Variants in CNTN1 observed in about 807,000 individuals in gnomAD.
CNTN1 encodes contactin-1.
A neutral mutation model predicts 126.4 loss-of-function variants in CNTN1; 38 were observed. That is an observed-to-expected ratio of 0.30 (90% confidence interval 0.23 to 0.39). The LOEUF (loss-of-function observed/expected upper bound fraction) is 0.39, where lower values mean the gene tolerates loss of function less well. Among genes scored for constraint, CNTN1 ranks in the 10% least tolerant of loss-of-function variants. The probability of loss-of-function intolerance (pLI) is 1.00; values close to 1 mark genes in which losing one functional copy is unlikely to be tolerated. For synonymous variants in CNTN1, 413 were observed against 422.6 expected (o/e 0.98, Z 0.28); for missense variants, 1,009 against 1,248.4 (o/e 0.81, Z 2.89).
At chr12:40,868,185 TCTTCACC>T in intron 1 of CNTN1, among the ~76,000 whole-genome samples, 1 of 152,278 alleles carries the variant, frequency 6.6e-6, no homozygotes, top group South Asian at 2.1e-4. Flanking sequence ...GGGCATAAGA[TCTTCACC>T]ACCATAAATA....
Position 40,769,427 on chromosome 12 carries a change from G to T in CNTN1, c.-77+76835G>T, listed in dbSNP as rs560217042. Reference sequence around the variant, plus strand: ...AAGAGCAGACTATGAAGTGCATCTTGTGTTTGCCCATGGCCAACAATTAAA... The same window carrying T: ...AAGAGCAGACTATGAAGTGCATCTTTTGTTTGCCCATGGCCAACAATTAAA... On this transcript the variant is annotated intron_variant, in intron 1 of 23. Transcript: ENST00000551295. Among the ~76,000 whole-genome samples the T allele has an allele frequency of 9.2e-5, 14 of 152,218 alleles. 1 individual carries two copies. Among genetic ancestry groups the T allele is most frequent in the African/African-American group, 3.4e-4 (14 of 41,548 alleles).
At chr12:40,718,534 G>T (rs946469551) in intron 1 of CNTN1, among the ~76,000 whole-genome samples, 1 of 152,098 alleles carries the variant, frequency 6.6e-6, no homozygotes, top group Non-Finnish European at 1.5e-5. Context: ...AACACTGGGG[G>T]CTGGGTTCAG....
intron 23 of CNTN1, among the ~76,000 whole-genome samples, chr12:41,041,459 T>C (rs1211468344): frequency 1.3e-5 from 2 of 152,184 alleles, no homozygotes; most frequent in African/African-American, 4.8e-5. Flanking sequence ...TCCCTCTTTT[T>C]CTATTGATTG....
At chr12:40,777,539 A>C (rs569525057) in intron 1 of CNTN1, among the ~76,000 whole-genome samples, 24 of 151,898 alleles carry the variant, frequency 1.6e-4, no homozygotes, top group Admixed American at 1.5e-3. Context: ...ATTGCAGTGA[A>C]TTAGAAAAAG....
intron 17 of CNTN1, among the ~76,000 whole-genome samples, chr12:40,999,697 C>CT (rs398019220): frequency 0.021 from 1,822 of 86,562 alleles, 59 homozygotes; most frequent in African/African-American, 0.048. Context: ...TTCTTCTGTG[C>CT]TTTTTTTTTT....
intron 1 of CNTN1, among the ~76,000 whole-genome samples, chr12:40,886,283 C>T (rs78356381): frequency 0.098 from 14,928 of 152,002 alleles, 865 homozygotes; most frequent in Non-Finnish European, 0.13. Context: ...GACCAGACAG[C>T]GATGGGCCCT....
chr12:41,019,402 G>A (rs1053876907), intron 19 of CNTN1, among the ~76,000 whole-genome samples: 9 of 151,874 alleles, frequency 5.9e-5, no homozygotes, highest in African/African-American at 2.2e-4. Context: ...CATAAAACTT[G>A]CATGTGTTGA....
intron 1 of CNTN1, among the ~76,000 whole-genome samples, chr12:40,841,811 G>T (rs1942295771): frequency 6.6e-6 from 1 of 151,976 alleles, no homozygotes; most frequent in South Asian, 2.1e-4. Context: ...CAAACGCATA[G>T]CTAACCTCAT....
At chr12:40,824,660 G>A (rs1941550675) in intron 1 of CNTN1, among the ~76,000 whole-genome samples, 1 of 152,122 alleles carries the variant, frequency 6.6e-6, no homozygotes, top group Non-Finnish European at 1.5e-5. Context: ...TGATGCTCTT[G>A]TAGTACAAAT....
At chr12:40,756,738 T>C (rs756278733) in intron 1 of CNTN1, among the ~76,000 whole-genome samples, 1 of 152,154 alleles carries the variant, frequency 6.6e-6, no homozygotes, top group African/African-American at 2.4e-5. Flanking sequence ...AGGCTTCGCG[T>C]CATCATCCAA....
Position 40,937,676 on chromosome 12 carries a change from T to C in CNTN1, c.1217T>C (p.Leu406Ser). Residue 406 changes from leucine (L) to serine (S), a missense_variant, in exon 11 of 24, where the codon TTG becomes TCG. Leu to Ser is a moderately radical substitution (Grantham distance 145). Transcript: ENST00000551295. ...GGAGCCATTTATGCAAATGCTGAGT[T>C]GAAGATCTTGGGTCAGTATCATTTC... ...TYGAIYANAE[L>S]KILALAPTFE... 1 of 1,584,074 alleles carries C rather than the reference T, an allele frequency of 6.3e-7. No individual in the cohort carries two copies. The highest frequency in any genetic ancestry group is 8.7e-7 in the Non-Finnish European group (1 of 1,152,762).
chr12:41,043,161 A>C (rs896845492), intron 23 of CNTN1, among the ~76,000 whole-genome samples: 14 of 152,322 alleles, frequency 9.2e-5, no homozygotes, highest in African/African-American at 2.4e-4. Context: ...GGATCTAATT[A>C]AACTAAAGAG....
chr12:40,857,419 G>A (rs1250309563), intron 1 of CNTN1, among the ~76,000 whole-genome samples: 1 of 152,078 alleles, frequency 6.6e-6, no homozygotes, highest in Non-Finnish European at 1.5e-5. Flanking sequence ...ATTCTAGCTT[G>A]CAGAGGTTTG....
chr12:40,729,805 C>T (rs768468890), intron 1 of CNTN1: 14 of 203,232 alleles, frequency 6.9e-5, no homozygotes, highest in Non-Finnish European at 1.2e-4. Flanking sequence ...GGAGACAGCT[C>T]GGTTCCACTA....
intron 7 of CNTN1, among the ~76,000 whole-genome samples, chr12:40,932,904 C>T (rs1233518947): frequency 6.6e-6 from 1 of 152,068 alleles, no homozygotes; most frequent in East Asian, 1.9e-4. Flanking sequence ...ATTAATACAT[C>T]TTTCAGGACT....
chr12:40,982,537 T>C lies in CNTN1; in HGVS notation c.1963+1470T>C, dbSNP rs149437386. On this transcript the variant is annotated intron_variant, in intron 16 of 23. Coordinates refer to ENST00000551295, the MANE Select transcript of CNTN1 (RefSeq NM_001843.4). ...TTATTTTAAAATATCCACTAGAAAGTAAGTTCCATGAAGGTAAAAACTGTT... is the reference window on the plus strand; with the variant it reads ...TTATTTTAAAATATCCACTAGAAAGCAAGTTCCATGAAGGTAAAAACTGTT... 2.9e-3 allele frequency among the ~76,000 whole-genome samples: 435 copies of C among 152,286 alleles called. 2 individuals are homozygous for C. Among genetic ancestry groups the C allele is most frequent in the African/African-American group, 9.8e-3 (406 of 41,568 alleles).
chr12:40,902,375 T>C (rs1033647160), intron 1 of CNTN1, among the ~76,000 whole-genome samples: 1 of 152,140 alleles, frequency 6.6e-6, no homozygotes, highest in Non-Finnish European at 1.5e-5. Context: ...GAGTAGGAGA[T>C]ATTGGTGTCT....
At chr12:41,018,696 A>ACG (rs1555199971) in intron 19 of CNTN1, among the ~76,000 whole-genome samples, 2 of 149,794 alleles carry the variant, frequency 1.3e-5, no homozygotes, top group African/African-American at 2.5e-5. Flanking sequence ...ATTTTAATAT[A>ACG]TGTGTGTGTG....
intron 12 of CNTN1, 96 bp from the exon 13 acceptor site, chr12:40,943,501 G>A (rs1174876396): frequency 7.5e-6 from 7 of 927,802 alleles, no homozygotes; most frequent in Non-Finnish European, 1.2e-5. Context: ...TATATAGAAT[G>A]TAATAATTGA....
Sources: gnomAD v4.1 joint callset for allele counts (sites outside exome capture counted in the v4.1 genomes callset) on GRCh38, gnomAD v4.1.1 for gene constraint, MANE v1.5 for transcripts, NCBI Gene and HGNC (gene_info 2026-07-23, HGNC 2026-07-21) for gene names.